Variants in SEC14L1 observed in about 807,000 individuals in gnomAD.
The protein encoded by SEC14L1 is SEC14 like lipid binding 1.
In SEC14L1, 48 loss-of-function variants were observed where a neutral mutation model predicts 85.3. The observed-to-expected ratio is 0.56, with a 90% CI of 0.45 to 0.72. The LOEUF (loss-of-function observed/expected upper bound fraction) is 0.72. Among genes scored for constraint, SEC14L1 ranks in the 30% least tolerant of loss-of-function variants. The pLI, the probability that SEC14L1 is intolerant of heterozygous loss-of-function variation, is 0.00. For missense variants in SEC14L1, 682 were observed against 921.4 expected (o/e 0.74, Z 3.36); for synonymous variants, 391 against 355.5 (o/e 1.10, Z -1.12).
chr17:77,211,675 T>C, intron 14 of SEC14L1: 1 of 482,990 alleles, frequency 2.1e-6, no homozygotes, highest in South Asian at 2.2e-5. Context: ...CCTGGCCTCT[T>C]AGAGTGTGTG....
intron 3 of SEC14L1, among the ~76,000 whole-genome samples, chr17:77,154,938 T>G (rs1205184683): frequency 6.6e-6 from 1 of 152,218 alleles, no homozygotes; most frequent in Non-Finnish European, 1.5e-5. Flanking sequence ...CTTGCCTTAT[T>G]AAGGTGCGGA....
At chr17:77,174,791 A>G (rs975305217) in intron 3 of SEC14L1, among the ~76,000 whole-genome samples, 1 of 152,128 alleles carries the variant, frequency 6.6e-6, no homozygotes, top group Non-Finnish European at 1.5e-5. Context: ...GAGACAAAGG[A>G]TTTCTCAGCA....
intron 3 of SEC14L1, among the ~76,000 whole-genome samples, chr17:77,155,596 A>G (rs1371076599): frequency 6.6e-6 from 1 of 152,000 alleles, no homozygotes; most frequent in East Asian, 1.9e-4. Context: ...TCCTTACAAC[A>G]GCCTCTGGAC....
At chr17:77,097,293 C>G (rs1015054586) in intron 3 of SEC14L1, among the ~76,000 whole-genome samples, 2 of 152,140 alleles carry the variant, frequency 1.3e-5, no homozygotes, top group Non-Finnish European at 2.9e-5. Context: ...TGGCCGGGCA[C>G]GGTGGCTCAC....
At chr17:77,162,198 C>T (rs1974096161) in intron 3 of SEC14L1, among the ~76,000 whole-genome samples, 1 of 152,190 alleles carries the variant, frequency 6.6e-6, no homozygotes, top group Admixed American at 6.5e-5. Context: ...CATTGGAGGC[C>T]AACCGAGGCC....
At chr17:77,125,681 G>A (rs1972428269) in intron 3 of SEC14L1, among the ~76,000 whole-genome samples, 2 of 152,338 alleles carry the variant, frequency 1.3e-5, no homozygotes, top group South Asian at 4.1e-4. Flanking sequence ...AGGACACACA[G>A]GCACCTACCT....
In SEC14L1 at chr17:77,206,949, C is replaced by T; in HGVS notation, c.1476+87C>T. The T allele has an allele frequency of 7.6e-7, 1 of 1,319,254 alleles. No individual in the cohort carries two copies. Among genetic ancestry groups the T allele is most frequent in the African/African-American group, 1.5e-5 (1 of 67,314 alleles). 81.7% of individuals were successfully genotyped at this position (1,319,254 alleles called of 1,614,324 possible). On this transcript the variant is annotated intron_variant, in intron 13 of 16. Transcript: ENST00000436233. The surrounding 1 kb of genome is among the most constrained non-coding windows in gnomAD (Gnocchi z 4.3). ...CGATTTGCACAAATGATTTTCAGAACTTCCAGTTGTTTGGATGTTTTGTTT... is the reference window on the plus strand; with the variant it reads ...CGATTTGCACAAATGATTTTCAGAATTTCCAGTTGTTTGGATGTTTTGTTT...
intron 2 of SEC14L1, chr17:77,089,402 G>A (rs527559927): frequency 1.5e-5 from 8 of 519,036 alleles, no homozygotes; most frequent in African/African-American, 7.7e-5. Context: ...GTAAATTCCC[G>A]GAAGAAGTCT....
At chr17:77,108,925 C>A (rs898763278) in intron 3 of SEC14L1, among the ~76,000 whole-genome samples, 2 of 151,804 alleles carry the variant, frequency 1.3e-5, no homozygotes, top group East Asian at 3.9e-4. Flanking sequence ...CGGTTTCAAG[C>A]GAGTCTTCTG....
intron 3 of SEC14L1, among the ~76,000 whole-genome samples, chr17:77,105,384 C>CCT: frequency 9.5e-6 from 1 of 105,216 alleles, no homozygotes; most frequent in African/African-American, 3.6e-5. Context: ...CCCCCCCCCC[C>CCT]ACCCCACGTA....
intron 8 of SEC14L1, among the ~76,000 whole-genome samples, 179 bp downstream of exon 8, chr17:77,196,490 T>G (rs189228033): frequency 1.3e-5 from 2 of 152,246 alleles, no homozygotes; most frequent in Non-Finnish European, 2.9e-5. Flanking sequence ...TAGCAAGTGA[T>G]AATGCATGAC....
chr17:77,115,522 T>C (rs1328950012), intron 3 of SEC14L1, among the ~76,000 whole-genome samples: 2 of 152,310 alleles, frequency 1.3e-5, no homozygotes, highest in Middle Eastern at 3.4e-3. Context: ...TAATTCCACT[T>C]GTTTCAGGCC....
At chr17:77,188,525 C>T (rs1378549239) in intron 3 of SEC14L1, among the ~76,000 whole-genome samples, 10 of 151,642 alleles carry the variant, frequency 6.6e-5, no homozygotes, top group South Asian at 4.2e-4. Flanking sequence ...GTGGCTGCAG[C>T]GCAGTCCATT....
intron 8 of SEC14L1, among the ~76,000 whole-genome samples, chr17:77,197,637 G>A (rs55971368): frequency 0.18 from 26,438 of 150,204 alleles, 2,629 homozygotes; most frequent in East Asian, 0.39. Flanking sequence ...TTTTATATAT[G>A]TATACAGAGT....
chr17:77,150,281 A>G (rs1973497691), intron 3 of SEC14L1, among the ~76,000 whole-genome samples: 1 of 152,116 alleles, frequency 6.6e-6, no homozygotes, highest in Non-Finnish European at 1.5e-5. Context: ...GTAACCTGCT[A>G]GGCCAGTGAC....
At position 77,193,514 on chromosome 17, in the gene SEC14L1, A is replaced by C; in HGVS notation, c.439A>C (p.Ile147Leu). Residue 147 changes from isoleucine (I) to leucine (L), a missense_variant, in exon 6 of 17, where the codon ATT becomes CTT. Physicochemically the swap from Ile to Leu is conservative, Grantham distance 5. Transcript: ENST00000436233. ...TGGTTTTGAAAGTACAGTGGAAAAAATTGCAATGAAACAATATACCAGCAA... is the reference window on the plus strand; with the variant it reads ...TGGTTTTGAAAGTACAGTGGAAAAACTTGCAATGAAACAATATACCAGCAA... Reference protein sequence around the residue: ...FFGFESTVEKIAMKQYTSNIK... With the variant: ...FFGFESTVEKLAMKQYTSNIK... 1 of 1,612,488 alleles carries C rather than the reference A, an allele frequency of 6.2e-7. No individual in the cohort carries two copies.
intron 3 of SEC14L1, among the ~76,000 whole-genome samples, chr17:77,124,321 G>C (rs1972381592): frequency 6.6e-6 from 1 of 152,206 alleles, no homozygotes; most frequent in South Asian, 2.1e-4. Flanking sequence ...CTGTGATCAT[G>C]CCACTGCATT....
intron 3 of SEC14L1, among the ~76,000 whole-genome samples, chr17:77,126,800 G>A (rs1972459619): frequency 6.6e-6 from 1 of 152,168 alleles, no homozygotes; most frequent in African/African-American, 2.4e-5. Flanking sequence ...GTGGGCAATG[G>A]TGATGGGTGG....
intron 9 of SEC14L1, 61 bp downstream of exon 9, chr17:77,200,734 T>A: frequency 6.6e-7 from 1 of 1,511,142 alleles, no homozygotes; most frequent in Non-Finnish European, 9.0e-7. Context: ...TGAAGATATC[T>A]TCCAAGGCCT....
Sources: gnomAD v4.1 joint callset for allele counts (sites outside exome capture counted in the v4.1 genomes callset) on GRCh38, gnomAD v4.1.1 for gene constraint, Gnocchi (gnomAD v3.1) non-coding constraint, MANE v1.5 for transcripts, NCBI Gene and HGNC (gene_info 2026-07-23, HGNC 2026-07-21) for gene names.